RPS6KC1: variants seen among roughly 807,000 people sequenced by gnomAD.
RPS6KC1 encodes ribosomal protein S6 kinase C1, also known as inactive ribosomal protein S6 kinase delta-1.
A neutral mutation model predicts 103.8 loss-of-function variants in RPS6KC1; 54 were observed. The observed-to-expected ratio is 0.52, with a 90% CI of 0.42 to 0.65. RPS6KC1 has a LOEUF of 0.65. RPS6KC1 is among the 30% of genes least tolerant of loss of function. The probability of loss-of-function intolerance (pLI) is 0.00; values close to 1 mark genes in which losing one functional copy is unlikely to be tolerated. For missense variants in RPS6KC1, 1,151 were observed against 1,253.8 expected (o/e 0.92, Z 1.24); for synonymous variants, 439 against 438.7 (o/e 1.00, Z -0.01).
intron 12 of RPS6KC1, among the ~76,000 whole-genome samples, chr1:213,244,873 C>G (rs2094429552): frequency 6.6e-6 from 1 of 152,132 alleles, no homozygotes. Flanking sequence ...GCTTTGTTGT[C>G]ATTATTTGCA....
At chr1:213,067,842 G>A (rs180811393) in intron 1 of RPS6KC1, among the ~76,000 whole-genome samples, 266 of 152,308 alleles carry the variant, frequency 1.7e-3, no homozygotes, top group Middle Eastern at 3.4e-3. Context: ...ATTGTTAGGG[G>A]ATGGCTAATG....
intron 14 of RPS6KC1, among the ~76,000 whole-genome samples, chr1:213,269,558 A>G (rs879407555): frequency 6.6e-6 from 1 of 152,246 alleles, no homozygotes; most frequent in Admixed American, 6.5e-5. Flanking sequence ...AAGGAATTGA[A>G]TTCATACACT....
chr1:213,541,259 A>C, the RPS6KC1 span, among the ~76,000 whole-genome samples: 2 of 150,378 alleles, frequency 1.3e-5, no homozygotes, highest in Admixed American at 1.3e-4. Context: ...ATATGGGTGC[A>C]GTTCGTGGAG....
chr1:213,278,082 A>G (rs1172963129), downstream of RPS6KC1, among the ~76,000 whole-genome samples: 1 of 151,942 alleles, frequency 6.6e-6, no homozygotes, highest in Non-Finnish European at 1.5e-5. Context: ...GCACGAACCT[A>G]TAGTCCCAGC....
intron 8 of RPS6KC1, among the ~76,000 whole-genome samples, chr1:213,209,864 C>T (rs578220578): frequency 1.3e-5 from 2 of 152,086 alleles, no homozygotes; most frequent in South Asian, 2.1e-4. Flanking sequence ...GTGAATTTCC[C>T]AGAACTGAAT....
At chr1:213,847,384 G>T in the RPS6KC1 span, among the ~76,000 whole-genome samples, 1 of 152,110 alleles carries the variant, frequency 6.6e-6, no homozygotes, top group Non-Finnish European at 1.5e-5. Context: ...TGAATACCAC[G>T]CCTCCATCTG....
intron 12 of RPS6KC1, among the ~76,000 whole-genome samples, chr1:213,245,293 A>G (rs2094436711): frequency 6.6e-6 from 1 of 152,192 alleles, no homozygotes; most frequent in African/African-American, 2.4e-5. Context: ...CAGTAACTAC[A>G]TGGGTCATAG....
chr1:213,385,211 A>G, the RPS6KC1 span, among the ~76,000 whole-genome samples: 1 of 152,370 alleles, frequency 6.6e-6, no homozygotes, highest in Admixed American at 6.5e-5. Context: ...CTTTAGGGGC[A>G]GGACTGTGCC....
intron 8 of RPS6KC1, among the ~76,000 whole-genome samples, chr1:213,179,358 C>T (rs557463912): frequency 9.3e-5 from 14 of 150,258 alleles, no homozygotes; most frequent in Admixed American, 6.0e-4. Flanking sequence ...GAGGTTGCAG[C>T]GAGCCAAGAT....
the RPS6KC1 span, among the ~76,000 whole-genome samples, chr1:213,824,175 A>T: frequency 6.6e-6 from 1 of 152,168 alleles, no homozygotes; most frequent in African/African-American, 2.4e-5. Context: ...CACAAAGGTG[A>T]TGTGCTTCCA....
chr1:213,262,780 A>G lies in RPS6KC1; in HGVS notation c.3054A>G (p.Glu1018=), dbSNP rs1256897240. ...INTHTTLNMP[E]CVSEEARSLI... is the part of the protein sequence containing the mutation. ...CTCACACTACTTTGAACATGCCAGA[A>G]TGTGTCTCTGAAGAGGCTCGCTCAC... Residue 1018 remains glutamate (E), a synonymous_variant, in exon 14 of 15, where the codon GAA becomes GAG. Coordinates refer to ENST00000366960, the MANE Select transcript of RPS6KC1 (RefSeq NM_012424.6). 1 of 1,613,228 alleles carries G rather than the reference A, an allele frequency of 6.2e-7. No individual in the cohort carries two copies. The highest frequency in any genetic ancestry group is 1.1e-5 in the South Asian group (1 of 91,060).
chr1:213,252,244 G>T (rs905424876), intron 12 of RPS6KC1, among the ~76,000 whole-genome samples: 3 of 152,182 alleles, frequency 2.0e-5, no homozygotes, highest in Non-Finnish European at 4.4e-5. Context: ...GATGCTGCAG[G>T]GAAAGATTGT....
chr1:213,531,630 G>A, the RPS6KC1 span, among the ~76,000 whole-genome samples: 3 of 152,206 alleles, frequency 2.0e-5, no homozygotes, highest in African/African-American at 7.2e-5. Context: ...AGGACAGCTG[G>A]ACGAGCAAGG....
the RPS6KC1 span, among the ~76,000 whole-genome samples, chr1:213,608,213 G>T: frequency 2.0e-5 from 3 of 152,184 alleles, no homozygotes; most frequent in Non-Finnish European, 4.4e-5. Flanking sequence ...GAAGGGAGGT[G>T]GGGAGGGAGG....
chr1:213,335,312 G>A, the RPS6KC1 span, among the ~76,000 whole-genome samples: 1 of 152,250 alleles, frequency 6.6e-6, no homozygotes, highest in Non-Finnish European at 1.5e-5. Context: ...AGCTGGGGCT[G>A]CGAGTGGCAG....
chr1:213,146,917 T>C (rs1398322390), intron 6 of RPS6KC1, among the ~76,000 whole-genome samples: 1 of 152,196 alleles, frequency 6.6e-6, no homozygotes, highest in Non-Finnish European at 1.5e-5. Flanking sequence ...AATATCTCAT[T>C]GTAGTTTTGA....
At chr1:213,381,607 A>C in the RPS6KC1 span, among the ~76,000 whole-genome samples, 1 of 152,086 alleles carries the variant, frequency 6.6e-6, no homozygotes, top group Non-Finnish European at 1.5e-5. Flanking sequence ...TATGTCAAAC[A>C]AAGTGTGCTG....
chr1:213,750,321 T>C, the RPS6KC1 span, among the ~76,000 whole-genome samples: 3 of 152,368 alleles, frequency 2.0e-5, no homozygotes, highest in Middle Eastern at 6.8e-3. Context: ...GCCATTTTAT[T>C]GGTAGTCTGA....
the RPS6KC1 span, among the ~76,000 whole-genome samples, chr1:213,835,188 C>G: frequency 2.0e-5 from 3 of 152,216 alleles, no homozygotes; most frequent in Admixed American, 2.0e-4. Context: ...GAAAAGCCAA[C>G]AGCCAGAGGC....
Sources: allele counts gnomAD v4.1 joint callset (sites outside exome capture counted in the v4.1 genomes callset), GRCh38; gene constraint gnomAD v4.1.1; transcripts MANE v1.5; gene names NCBI Gene and HGNC (gene_info 2026-07-23, HGNC 2026-07-21).